RGS6: variants seen among roughly 807,000 people sequenced by gnomAD.
The protein encoded by RGS6 is regulator of G-protein signaling 6.
In RGS6, 30 loss-of-function variants were observed where a neutral mutation model predicts 78.5. The observed-to-expected ratio is 0.38, with a 90% CI of 0.29 to 0.52. The LOEUF (loss-of-function observed/expected upper bound fraction) is 0.52. RGS6 is among the 20% of genes least tolerant of loss of function. The pLI is 0.85. For synonymous variants in RGS6, 206 were observed against 206.0 expected (o/e 1.00, Z 0.00); for missense variants, 495 against 609.7 (o/e 0.81, Z 1.98).
At chr14:72,411,193 T>C (rs2093386061) in intron 3 of RGS6, among the ~76,000 whole-genome samples, 1 of 152,220 alleles carries the variant, frequency 6.6e-6, no homozygotes, top group Non-Finnish European at 1.5e-5. Flanking sequence ...TGATTCTTCC[T>C]ACCCATGAGC....
At chr14:72,345,324 C>T (rs1478102574) in intron 2 of RGS6, among the ~76,000 whole-genome samples, 2 of 152,226 alleles carry the variant, frequency 1.3e-5, no homozygotes, top group African/African-American at 4.8e-5. Context: ...TATCAGCCCC[C>T]ATCTTTGGAG....
chr14:71,889,303 A>G, the RGS6 span, among the ~76,000 whole-genome samples: 1 of 152,214 alleles, frequency 6.6e-6, no homozygotes, highest in South Asian at 2.1e-4. Flanking sequence ...CATGGTGACC[A>G]ACAGCAACCG....
chr14:72,617,960 G>T, the RGS6 span, among the ~76,000 whole-genome samples: 1 of 151,954 alleles, frequency 6.6e-6, no homozygotes, highest in African/African-American at 2.4e-5. Flanking sequence ...CTGCTGCTGC[G>T]ATTCAAAGTC....
At chr14:72,261,834 C>T (rs539848275) in intron 2 of RGS6, among the ~76,000 whole-genome samples, 14 of 152,240 alleles carry the variant, frequency 9.2e-5, no homozygotes, top group Non-Finnish European at 1.6e-4. Flanking sequence ...TTTCCTTTTA[C>T]AGTTGAATTA....
chr14:71,894,487 C>T, the RGS6 span, among the ~76,000 whole-genome samples: 2 of 152,176 alleles, frequency 1.3e-5, no homozygotes, highest in African/African-American at 4.8e-5. Flanking sequence ...CTCTTACTTT[C>T]GGGAACACCC....
chr14:71,994,203 T>C (rs1382107424), intron 2 of RGS6, among the ~76,000 whole-genome samples: 2 of 152,074 alleles, frequency 1.3e-5, no homozygotes, highest in Non-Finnish European at 2.9e-5. Context: ...TGTCTTTGAT[T>C]TCTCCAGCCT....
intron 2 of RGS6, among the ~76,000 whole-genome samples, chr14:72,031,709 C>T (rs1171460105): frequency 2.6e-5 from 4 of 152,184 alleles, no homozygotes; most frequent in African/African-American, 9.6e-5. Flanking sequence ...ATAACACTTG[C>T]TTATATTTCA....
At chr14:72,017,289 A>G (rs1398278700) in intron 2 of RGS6, among the ~76,000 whole-genome samples, 1 of 152,140 alleles carries the variant, frequency 6.6e-6, no homozygotes, top group Admixed American at 6.5e-5. Flanking sequence ...GTGTATAGGA[A>G]TGTTATTTTT....
rs545910955 is a variant in RGS6, at chr14:72,484,330, C to T, written c.854+6001C>T. Among the ~76,000 whole-genome samples, 10 of 152,238 alleles carry T rather than the reference C, an allele frequency of 6.6e-5. No homozygotes were observed. In the East Asian group the frequency reaches 1.5e-3, roughly 24 times the overall value. On this transcript the variant is annotated intron_variant, in intron 12 of 17. Coordinates refer to ENST00000553525, the MANE Select transcript of RGS6 (RefSeq NM_001204424.2). ...TTTTGTTTGTTTGTTTGTTTGTTTT[C>T]CTGGATAGTAGTTTCCCATAGCTGC...
chr14:72,101,028 A>G (rs2095517625), intron 2 of RGS6, among the ~76,000 whole-genome samples: 1 of 152,078 alleles, frequency 6.6e-6, no homozygotes, highest in South Asian at 2.1e-4. Flanking sequence ...GCTTAGTGGC[A>G]TGCATCTGTA....
At chr14:72,275,161 A>G (rs535916110) in intron 2 of RGS6, among the ~76,000 whole-genome samples, 17 of 152,214 alleles carry the variant, frequency 1.1e-4, no homozygotes, top group Non-Finnish European at 2.2e-4. Flanking sequence ...TGATAGTTAT[A>G]TATGGAAGGT....
chr14:72,608,230 C>T, the RGS6 span, among the ~76,000 whole-genome samples: 2 of 152,194 alleles, frequency 1.3e-5, no homozygotes, highest in African/African-American at 4.8e-5. Context: ...CAGTACCTAG[C>T]ATAGAGTAGA....
At chr14:72,404,553 G>A (rs1185485000) in intron 3 of RGS6, among the ~76,000 whole-genome samples, 1 of 152,218 alleles carries the variant, frequency 6.6e-6, no homozygotes, top group African/African-American at 2.4e-5. Context: ...CAGCAGCCCT[G>A]CATGCTTCAA....
chr14:72,127,047 C>T (rs2096211615), intron 2 of RGS6, among the ~76,000 whole-genome samples: 1 of 152,076 alleles, frequency 6.6e-6, no homozygotes, highest in African/African-American at 2.4e-5. Flanking sequence ...TTACAAAGCA[C>T]CCAAGTTAAA....
chr14:72,424,372 AGAGGCTTT>A (rs1245250217), intron 3 of RGS6, among the ~76,000 whole-genome samples: 1 of 152,204 alleles, frequency 6.6e-6, no homozygotes, highest in African/African-American at 2.4e-5. Flanking sequence ...ACAAATAAAT[AGAGGCTTT>A]TTTAGTTCAG....
chr14:72,543,392 C>G (rs531877221), intron 17 of RGS6, among the ~76,000 whole-genome samples: 9 of 152,304 alleles, frequency 5.9e-5, no homozygotes, highest in Admixed American at 4.6e-4. Context: ...AGCAGCTTCT[C>G]CAGGGCCCCC....
At chr14:72,166,124 ACACACACACAC>A (rs1567358219) in intron 2 of RGS6, among the ~76,000 whole-genome samples, 15 of 151,770 alleles carry the variant, frequency 9.9e-5, no homozygotes, top group East Asian at 3.9e-4. Context: ...ACACACACAC[ACACACACACAC>A]ACAGACTGAC....
chr14:72,162,875 A>C (rs991801922), intron 2 of RGS6, among the ~76,000 whole-genome samples: 3 of 152,202 alleles, frequency 2.0e-5, no homozygotes, highest in Non-Finnish European at 4.4e-5. Flanking sequence ...AGCCATAAAA[A>C]GGAATGAATA....
intron 2 of RGS6, among the ~76,000 whole-genome samples, chr14:71,973,420 C>T (rs2093931271): frequency 6.6e-6 from 1 of 151,012 alleles, no homozygotes. Context: ...TGCAGTGGCT[C>T]ATGCCTGTAA....
Sources: allele counts gnomAD v4.1 joint callset (sites outside exome capture counted in the v4.1 genomes callset), GRCh38; gene constraint gnomAD v4.1.1; transcripts MANE v1.5; gene names NCBI Gene and HGNC (gene_info 2026-07-23, HGNC 2026-07-21).